The following PLCZ1 variants were observed in gnomAD, a reference collection of about 807,000 sequenced individuals.
PLCZ1 encodes the protein phospholipase C zeta 1.
PLCZ1 carries 64 observed loss-of-function variants against 76.8 expected under a neutral mutation model. The ratio of observed to expected loss-of-function variants is 0.83; its 90% CI spans 0.68 to 1.03. The LOEUF is 1.03. PLCZ1 is among the 50% of genes least tolerant of loss of function. The pLI is 0.00. For synonymous variants in PLCZ1, 248 were observed against 230.8 expected (o/e 1.07, Z -0.68); for missense variants, 751 against 713.7 (o/e 1.05, Z -0.60).
At chr12:18,654,625 T>C in the PLCZ1 span, among the ~76,000 whole-genome samples, 3 of 152,300 alleles carry the variant, frequency 2.0e-5, no homozygotes, top group Admixed American at 2.0e-4. Flanking sequence ...GGAACTGTTA[T>C]TCCAGGTAAA....
intron 6 of PLCZ1, among the ~76,000 whole-genome samples, chr12:18,707,789 C>G (rs1052800384): frequency 2.0e-5 from 3 of 152,124 alleles, no homozygotes; most frequent in Non-Finnish European, 4.4e-5. Context: ...ACTGAGTCAC[C>G]TTGTTCAGCT....
At chr12:18,718,419 G>C (rs980553414) in intron 5 of PLCZ1, among the ~76,000 whole-genome samples, 3 of 151,978 alleles carry the variant, frequency 2.0e-5, no homozygotes, top group African/African-American at 7.2e-5. Context: ...GTGCAGCTGG[G>C]ATAAAATCTA....
intron 3 of PLCZ1, among the ~76,000 whole-genome samples, chr12:18,731,647 A>C (rs1959057420): frequency 6.9e-6 from 1 of 144,592 alleles, no homozygotes. Flanking sequence ...GACCTTTCCC[A>C]GTTTGTGTAA....
intron 13 of PLCZ1, among the ~76,000 whole-genome samples, chr12:18,684,518 C>G (rs577662742): frequency 6.6e-6 from 1 of 152,086 alleles, no homozygotes; most frequent in African/African-American, 2.4e-5. Context: ...CTGATAACCA[C>G]CCCATCAGGG....
At chr12:18,651,767 AG>A in the PLCZ1 span, among the ~76,000 whole-genome samples, 3 of 152,168 alleles carry the variant, frequency 2.0e-5, no homozygotes, top group African/African-American at 7.2e-5. Context: ...AACCAAGGGA[AG>A]GCTCCTTGCA....
intron 6 of PLCZ1, among the ~76,000 whole-genome samples, chr12:18,711,602 A>G (rs2137412508): frequency 6.6e-6 from 1 of 151,336 alleles, no homozygotes; most frequent in South Asian, 2.1e-4. Flanking sequence ...GACTGAGGGG[A>G]CTGAGAGAAG....
the PLCZ1 span, among the ~76,000 whole-genome samples, chr12:18,669,399 T>C: frequency 6.6e-6 from 1 of 152,218 alleles, no homozygotes; most frequent in African/African-American, 2.4e-5. Context: ...GTGGTAAGGA[T>C]AATTATCCTC....
At chr12:18,676,582 A>G in the PLCZ1 span, among the ~76,000 whole-genome samples, 1 of 151,172 alleles carries the variant, frequency 6.6e-6, no homozygotes, top group African/African-American at 2.4e-5. Context: ...AAGGGAGTGT[A>G]TTTCTTACTG....
At chr12:18,676,685 G>A in the PLCZ1 span, among the ~76,000 whole-genome samples, 1 of 152,252 alleles carries the variant, frequency 6.6e-6, no homozygotes, top group South Asian at 2.1e-4. Context: ...TACTATAAAT[G>A]TAATGAATTA....
Position 18,690,209 on chromosome 12 carries a change from TTTTG to T in PLCZ1, c.1462-1995_1462-1992del, listed in dbSNP as rs112242865. On this transcript the variant is annotated intron_variant, in intron 12 of 14. Coordinates refer to ENST00000266505, the MANE Select transcript of PLCZ1 (RefSeq NM_033123.4). The stretch of plus-strand genomic sequence containing the variant: ...TAAGGTGGAACAAAACACATCTGTT[TTTTG>T]TTTGTTTGTTTGTTTGTTTGTTTCT... Among the ~76,000 whole-genome samples the T allele has an allele frequency of 7.4e-3, 1,121 of 151,970 alleles. 13 individuals carry two copies. The highest frequency in any genetic ancestry group is 0.021 in the African/African-American group (881 of 41,426).
chr12:18,697,236 C>T (rs945364730), intron 10 of PLCZ1, among the ~76,000 whole-genome samples: 1 of 152,024 alleles, frequency 6.6e-6, no homozygotes, highest in African/African-American at 2.4e-5. Context: ...TCACCTCTCC[C>T]TTCATCCTAA....
chr12:18,694,113 C>A (rs1954577904), intron 12 of PLCZ1: 2 of 981,464 alleles, frequency 2.0e-6, no homozygotes, highest in Non-Finnish European at 3.2e-6. Context: ...ACTACGGCTG[C>A]CATCAGGAAA....
chr12:18,705,100 A>T (rs1956438336), intron 7 of PLCZ1, 66 bp downstream of exon 7: 1 of 1,573,038 alleles, frequency 6.4e-7, no homozygotes, highest in Admixed American at 1.7e-5. Context: ...TTCACAGGCC[A>T]ATATAACAGT....
chr12:18,676,976 A>C, the PLCZ1 span, among the ~76,000 whole-genome samples: 1 of 152,174 alleles, frequency 6.6e-6, no homozygotes, highest in Admixed American at 6.6e-5. Flanking sequence ...TCTGGTTCAA[A>C]CAACTTTGTT....
rs116289795 is a variant in PLCZ1 at position 18,713,462 on chromosome 12, G to A, written c.570-476C>T. Among the ~76,000 whole-genome samples, 1,081 of 152,144 alleles carry A rather than the reference G, an allele frequency of 7.1e-3. 10 individuals are homozygous for A. The highest frequency in any genetic ancestry group is 0.025 in the African/African-American group (1,048 of 41,506). On this transcript the variant is annotated intron_variant, in intron 5 of 14. Transcript: ENST00000266505. ...CCTCATGTCAGGCTTTGGGGAATGG[G>A]GTATATGGCAGAAAGGCAAGGATAA...
At position 18,723,324 on chromosome 12, in the gene PLCZ1, C is replaced by A; in HGVS notation, c.354G>T (p.Glu118Asp). The change falls in exon 4 of 15, where the codon GAG (glutamate) becomes GAT (aspartate). Residue 118 changes from glutamate (E) to aspartate (D), a missense_variant. By Grantham distance (45) the Glu-to-Asp change is conservative. Coordinates refer to ENST00000266505, the MANE Select transcript of PLCZ1 (RefSeq NM_033123.4). ...AIAFEIIQKY[E>D]PIEEVRKAHQ... ...ATGCAAACATACCTTCTTCGATAGG[C>A]TCGTATTTCTGAATGATCTCAAAAG... The A allele has an allele frequency of 1.2e-6, 2 of 1,611,022 alleles. No individual in the cohort carries two copies. Among genetic ancestry groups the A allele is most frequent in the Non-Finnish European group, 1.7e-6 (2 of 1,178,130 alleles).
chr12:18,711,283 G>A (rs375654216), intron 6 of PLCZ1, among the ~76,000 whole-genome samples: 6 of 146,770 alleles, frequency 4.1e-5, no homozygotes, highest in African/African-American at 1.3e-4. Context: ...CTATCGCAAG[G>A]ACAAAAAACC....
chr12:18,736,347 AG>A lies in PLCZ1; in HGVS notation c.12-4del. On this transcript the variant is annotated splice_region_variant and splice_polypyrimidine_tract_variant and intron_variant, in intron 2 of 14. Transcript: ENST00000266505. ...CCTGAATCTTTGACAAAAACCATGT[AG>A]AAGCACAAAAAAGTTAAGGAAATTC... is the stretch of plus-strand genomic sequence containing the variant. 6.2e-7 allele frequency: 1 copy of A among 1,610,880 alleles called. No homozygotes were observed. Among genetic ancestry groups the A allele is most frequent in the South Asian group, 1.1e-5 (1 of 90,838 alleles).
At chr12:18,647,509 T>G in the PLCZ1 span, among the ~76,000 whole-genome samples, 1 of 151,986 alleles carries the variant, frequency 6.6e-6, no homozygotes, top group African/African-American at 2.4e-5. Context: ...AGAAGAATGA[T>G]GTTCTCTTTT....
Sources: allele counts gnomAD v4.1 joint callset (sites outside exome capture counted in the v4.1 genomes callset), GRCh38; gene constraint gnomAD v4.1.1; transcripts MANE v1.5; gene names NCBI Gene and HGNC (gene_info 2026-07-23, HGNC 2026-07-21).